Variants in EEF1D observed in about 807,000 individuals in gnomAD.
The protein encoded by EEF1D is elongation factor 1-delta.
EEF1D carries 47 observed loss-of-function variants against 63.9 expected under a neutral mutation model. The observed-to-expected ratio is 0.74, with a 90% CI of 0.58 to 0.94. The LOEUF (loss-of-function observed/expected upper bound fraction) is 0.94. EEF1D is among the 40% of genes least tolerant of loss of function. EEF1D has a pLI of 0.00. For missense variants in EEF1D, 907 were observed against 899.0 expected (o/e 1.01, Z -0.11); for synonymous variants, 412 against 386.1 (o/e 1.07, Z -0.79).
chr8:143,583,828 G>A (rs1304827017), intron 5 of EEF1D: 1 of 152,284 alleles, frequency 6.6e-6, no homozygotes, highest in East Asian at 1.9e-4. Context: ...CGGCAGAGAG[G>A]ATGCTGGATC....
rs1347285757 is a variant in EEF1D at position 143,581,053 on chromosome 8, C to T, written c.1488+1G>A. Reference sequence around the variant, plus strand: ...GTGTCAGGCGTGGGGAGAGCATTCACCTGGGTCTGTGGGGCCGTGGCCCGG... The same window carrying T: ...GTGTCAGGCGTGGGGAGAGCATTCATCTGGGTCTGTGGGGCCGTGGCCCGG... On this transcript the variant is annotated splice_donor_variant, in intron 7 of 9. Transcript: ENST00000618139. LOFTEE classifies it high-confidence loss of function. 2 of 1,611,542 alleles carry T rather than the reference C, an allele frequency of 1.2e-6. No homozygotes were observed. The highest frequency in any genetic ancestry group is 2.2e-5 in the South Asian group (2 of 91,008).
At chr8:143,587,520 G>A (rs1313082049) in intron 3 of EEF1D, 1 of 152,246 alleles carries the variant, frequency 6.6e-6, no homozygotes, top group East Asian at 1.9e-4. Flanking sequence ...TAGTAGACAA[G>A]GTTTCACCAT....
Position 143,590,300 on chromosome 8 carries a change from C to T in EEF1D, c.1-219G>A, listed in dbSNP as rs1238880264. On this transcript the variant is annotated intron_variant, in intron 2 of 9. Coordinates refer to ENST00000618139, the MANE Select transcript of EEF1D (RefSeq NM_001130053.5). Reference sequence around the variant, plus strand: ...GTTTTGTTGTGAAGAGAAAACAGGCCGGGCGCAGTGGCTCATGCCTGTAAT... The same window carrying T: ...GTTTTGTTGTGAAGAGAAAACAGGCTGGGCGCAGTGGCTCATGCCTGTAAT... The T allele has an allele frequency of 4.0e-5, 29 of 732,462 alleles. No homozygotes were observed. In the East Asian group the frequency reaches 7.1e-4, roughly 18 times the overall value. 45.4% of individuals were successfully genotyped at this position (732,462 alleles called of 1,614,324 possible). A position where few individuals can be genotyped will look rare whatever the true frequency, so the allele number is the denominator to read the frequency against.
chr8:143,588,826 A>T (rs1008685465), intron 3 of EEF1D, 165 bp downstream of exon 3: 1 of 941,150 alleles, frequency 1.1e-6, no homozygotes, highest in Admixed American at 2.9e-5. Flanking sequence ...GCGCAGCACC[A>T]CCTTTACTCA....
chr8:143,587,403 C>T (rs2085019), intron 3 of EEF1D: 111,255 of 152,260 alleles, frequency 0.73, 42,394 homozygotes, highest in Non-Finnish European at 0.85. Context: ...GATCTCGGCT[C>T]ACCGCAACGT....
Position 143,590,065 on chromosome 8 carries a change from G to T in EEF1D, c.17C>A (p.Ala6Asp). Residue 6 changes from alanine (A) to aspartate (D), a missense_variant, in exon 3 of 10, where the codon GCC (alanine) becomes GAC (aspartate). Ala to Asp is a moderately radical substitution (Grantham distance 126, BLOSUM62 -2). Transcript: ENST00000618139. ...CCACACGGTCTCCAGGGTGCAGGAG[G>T]CCTTCCCGCTCCTCATCTTCCGGAC... MRSGK[A>D]SCTLETVWED... 6.3e-7 allele frequency: 1 copy of T among 1,598,674 alleles called. No individual in the cohort carries two copies. The highest frequency in any genetic ancestry group is 8.5e-7 in the Non-Finnish European group (1 of 1,179,862).
chr8:143,593,629 TG>T (rs1421189767), intron 1 of EEF1D, among the ~76,000 whole-genome samples: 1 of 152,138 alleles, frequency 6.6e-6, no homozygotes, highest in Non-Finnish European at 1.5e-5. Flanking sequence ...GAGACGAGGA[TG>T]CTACGGAGGC....
chr8:143,589,051 G>C lies in EEF1D; in HGVS notation c.1031C>G (p.Ala344Gly). The C allele has an allele frequency of 1.2e-6, 2 of 1,606,262 alleles. No individual in the cohort carries two copies. The highest frequency in any genetic ancestry group is 1.7e-6 in the Non-Finnish European group (2 of 1,179,476). The change falls in exon 3 of 10, where the codon GCC becomes GGC. Residue 344 changes from alanine to glycine, a missense_variant. Ala to Gly is a moderately conservative substitution (Grantham distance 60). Transcript: ENST00000618139. ...AGGACCGGGTCGGTGAGACAGGGAG[G>C]CAGCTTCGAGGCACCAGGCCACCCG... ...ALRVAWCLEAASLSHRPGPRS... is the reference protein window; with the variant it reads ...ALRVAWCLEAGSLSHRPGPRS...
At position 143,589,794 on chromosome 8, in the gene EEF1D, G is replaced by A. The variant is rs768145252; in HGVS notation, c.288C>T (p.Leu96=). 12 of 1,582,438 alleles carry A rather than the reference G, an allele frequency of 7.6e-6. No individual in the cohort carries two copies. Among genetic ancestry groups the A allele is most frequent in the South Asian group, 5.8e-5 (5 of 86,842 alleles). The change falls in exon 3 of 10, where the codon CTC becomes CTT. Residue 96 remains leucine (L), a synonymous_variant. Transcript: ENST00000618139. ...KKRKRSPKSG[L]GPADLALLGL... Reference sequence around the variant, plus strand: ...CCAGGAGGGCCAGGTCCGCGGGGCCGAGCCCGCTCTTGGGGGAGCGCTTCC... The same window carrying A: ...CCAGGAGGGCCAGGTCCGCGGGGCCAAGCCCGCTCTTGGGGGAGCGCTTCC...
At chr8:143,592,829 A>G (rs1052669735) in intron 1 of EEF1D, 169 bp from the exon 2 acceptor site, 2 of 322,772 alleles carry the variant, frequency 6.2e-6, no homozygotes, top group Non-Finnish European at 8.9e-6. Context: ...CGCCAGACAG[A>G]CCCGCCGCCA....
intron 3 of EEF1D, among the ~76,000 whole-genome samples, chr8:143,588,305 G>A (rs1418854428): frequency 1.3e-5 from 2 of 152,134 alleles, no homozygotes; most frequent in African/African-American, 2.4e-5. Flanking sequence ...GGCCAGCCTC[G>A]CCACTTCCAT....
intron 5 of EEF1D, among the ~76,000 whole-genome samples, chr8:143,584,816 G>A (rs912661774): frequency 1.2e-4 from 18 of 152,124 alleles, no homozygotes; most frequent in Non-Finnish European, 2.4e-4. Context: ...CACGTGACCC[G>A]CCGGGCTGGA....
intron 9 of EEF1D, 59 bp downstream of exon 9, chr8:143,579,953 G>A (rs867850823): frequency 5.1e-6 from 8 of 1,579,132 alleles, no homozygotes; most frequent in African/African-American, 1.3e-5. Flanking sequence ...GTGGAGTGCA[G>A]GGTATGGGCC....
intron 2 of EEF1D, among the ~76,000 whole-genome samples, chr8:143,591,248 C>G (rs1827902511): frequency 6.6e-6 from 1 of 152,188 alleles, no homozygotes; most frequent in Non-Finnish European, 1.5e-5. Context: ...TGTGAGGCTC[C>G]ACTCCCCACT....
Position 143,580,982 on chromosome 8 carries a change from C to T in EEF1D, c.1488+72G>A, listed in dbSNP as rs1244357000. The T allele has an allele frequency of 7.2e-6, 11 of 1,520,800 alleles. No homozygotes were observed. In the South Asian group the frequency reaches 1.2e-4, roughly 16 times the overall value. The allele number at this position is 1,520,800 out of a possible 1,614,324, so 94.2% of individuals were successfully genotyped here. On this transcript the variant is annotated intron_variant, in intron 7 of 9. Transcript: ENST00000618139. ...AGCTCATCACTGCTGCTGGGGCCAG[C>T]CCACAGGGCGACGTGGAAGCCAGCA...
At chr8:143,588,844 C>T (rs1827230265) in intron 3 of EEF1D, 147 bp downstream of exon 3, 3 of 1,081,862 alleles carry the variant, frequency 2.8e-6, no homozygotes, top group Middle Eastern at 3.0e-4. Context: ...TCAGCCTGCT[C>T]CTGCATTCAA....
At position 143,580,869 on chromosome 8, in the gene EEF1D, C is replaced by T. The variant is rs1271892668; in HGVS notation, c.1489-142G>A. 6 of 1,172,242 alleles carry T rather than the reference C, an allele frequency of 5.1e-6. No individual in the cohort carries two copies. The African/African-American group carries it at 6.1e-5, about 12-fold the overall frequency. 72.6% of individuals were successfully genotyped at this position (1,172,242 alleles called of 1,614,324 possible). On this transcript the variant is annotated intron_variant, in intron 7 of 9. Coordinates refer to ENST00000618139, the MANE Select transcript of EEF1D (RefSeq NM_001130053.5). ...GTACCGCAGCTGTGTACATGCAGGG[C>T]CCCAGGAAAGACAAAAACTGCCTCC...
chr8:143,580,432 G>A, intron 8 of EEF1D, 74 bp downstream of exon 8: 4 of 1,527,194 alleles, frequency 2.6e-6, no homozygotes, highest in Middle Eastern at 2.3e-4. Flanking sequence ...GCAGGGGGAG[G>A]GTCACAGGCT....
chr8:143,586,327 T>A (rs1310786040), intron 4 of EEF1D, 37 bp from the exon 5 acceptor site: 1 of 1,473,006 alleles, frequency 6.8e-7, no homozygotes, highest in South Asian at 1.3e-5. Context: ...CTTTTTTTTA[T>A]TATTAAAAAA....
Sources: gnomAD v4.1 joint callset for allele counts (sites outside exome capture counted in the v4.1 genomes callset) on GRCh38, gnomAD v4.1.1 for gene constraint, MANE v1.5 for transcripts, NCBI Gene and HGNC (gene_info 2026-07-23, HGNC 2026-07-21) for gene names.